The following CLCN5 variants were observed in gnomAD, a reference collection of about 807,000 sequenced individuals.
The protein encoded by CLCN5 is Cl-/H+ antiporter 5, also known as H(+)/Cl(-) exchange transporter 5.
CLCN5 carries 17 observed loss-of-function variants against 54.0 expected under a neutral mutation model. The observed-to-expected ratio is 0.31, with a 90% confidence interval of 0.22 to 0.47. CLCN5 has a LOEUF of 0.47. Ranked by LOEUF, CLCN5 falls within the 20% of genes least tolerant of loss-of-function variation. The pLI, the probability that CLCN5 is intolerant of heterozygous loss-of-function variation, is 1.00. For missense variants in CLCN5, 448 were observed against 646.7 expected, an observed-to-expected ratio of 0.69 and a Z score of 3.33; for synonymous variants, 222 against 233.0, an observed-to-expected ratio of 0.95 and a Z score of 0.43.
chrX:50,009,507 G>T (rs1057318709), intron 3 of CLCN5, among the ~76,000 whole-genome samples: 1 of 111,814 alleles, frequency 8.9e-6, no homozygotes, highest in Non-Finnish European at 1.9e-5. Flanking sequence ...ATCTGAAAAA[G>T]ATGCCACTCA....
intron 3 of CLCN5, chrX:50,008,340 T>C (rs17174054): frequency 0.04 from 9,943 of 248,024 alleles, 906 homozygotes; most frequent in African/African-American, 0.26. Context: ...GCTCAAGAAC[T>C]GTTCTCTTTA....
At chrX:50,044,603 G>C (rs1557187592) in intron 4 of CLCN5, among the ~76,000 whole-genome samples, 1 of 111,101 alleles carries the variant, frequency 9.0e-6, no homozygotes, top group Non-Finnish European at 1.9e-5. Context: ...TTATAGGTTT[G>C]GGATAGGCGG....
chrX:50,084,492 C>T (rs891621487), intron 9 of CLCN5, among the ~76,000 whole-genome samples: 2 of 110,261 alleles, frequency 1.8e-5, no homozygotes, highest in East Asian at 2.9e-4. Flanking sequence ...AGCAATTCTC[C>T]CACCTCAGAC....
At chrX:49,975,683 C>T (rs1188782515) in intron 3 of CLCN5, among the ~76,000 whole-genome samples, 3 of 111,545 alleles carry the variant, frequency 2.7e-5, no homozygotes, top group Admixed American at 9.5e-5. Context: ...CTTGATCACA[C>T]GGTCTCATCT....
At chrX:49,953,137 C>T (rs1431193649) in intron 3 of CLCN5, among the ~76,000 whole-genome samples, 18 of 110,614 alleles carry the variant, frequency 1.6e-4, no homozygotes, top group Non-Finnish European at 3.0e-4. Flanking sequence ...CAGCCTGCCT[C>T]GGCCTCCCAA....
intron 3 of CLCN5, among the ~76,000 whole-genome samples, chrX:49,985,048 C>G (rs1455955318): frequency 9.2e-6 from 1 of 109,267 alleles, no homozygotes; most frequent in Non-Finnish European, 1.9e-5. Context: ...ATATGGAATT[C>G]CCTAATGATT....
At chrX:50,041,771 C>T (rs1465489111) in intron 3 of CLCN5, among the ~76,000 whole-genome samples, 3 of 111,437 alleles carry the variant, frequency 2.7e-5, no homozygotes, top group African/African-American at 9.8e-5. Flanking sequence ...TAGAGGGTAA[C>T]TGAATATATT....
intron 3 of CLCN5, among the ~76,000 whole-genome samples, chrX:49,951,852 G>T (rs1390375358): frequency 8.9e-6 from 1 of 111,786 alleles, no homozygotes; most frequent in African/African-American, 3.3e-5. Flanking sequence ...TGACATGTGG[G>T]TTTTTTAAGG....
At chrX:50,087,547 C>T (rs1933932481) in intron 11 of CLCN5, among the ~76,000 whole-genome samples, 1 of 111,836 alleles carries the variant, frequency 8.9e-6, no homozygotes, top group Non-Finnish European at 1.9e-5. Context: ...GTATTTTCCT[C>T]CTCCTTTCTA....
intron 3 of CLCN5, among the ~76,000 whole-genome samples, chrX:49,935,401 C>G (rs1557169488): frequency 8.9e-6 from 1 of 112,295 alleles, no homozygotes; most frequent in Non-Finnish European, 1.9e-5. Context: ...GTTCTCACAT[C>G]TGCTGTGTGC....
In CLCN5 at chrX:49,931,912, C is replaced by CA. The variant is rs199618675; in HGVS notation, c.16+6612dup. On this transcript the variant is annotated intron_variant, in intron 3 of 14. Coordinates refer to ENST00000376091, the MANE Select transcript of CLCN5 (RefSeq NM_001127898.4). The stretch of plus-strand genomic sequence containing the variant: ...TGGGCAACAGATTGAGACCCTGTCT[C>CA]AAAAAAAAAAAAAAGACTGATGCTG... Among the ~76,000 whole-genome samples the CA allele has an allele frequency of 4.1e-3, 341 of 84,140 alleles. 2 individuals are homozygous for CA. Among genetic ancestry groups the CA allele is most frequent in the African/African-American group, 5.7e-3 (131 of 22,862 alleles). 73.1% of individuals were successfully genotyped at this position (84,140 alleles called of 115,157 possible).
At chrX:50,051,255 C>T (rs1205582301) in intron 4 of CLCN5, among the ~76,000 whole-genome samples, 3 of 112,259 alleles carry the variant, frequency 2.7e-5, no homozygotes, top group African/African-American at 9.7e-5. Flanking sequence ...CTAGTCATTG[C>T]AGCACTGGTT....
At chrX:49,948,881 A>G (rs1282490241) in intron 3 of CLCN5, among the ~76,000 whole-genome samples, 2 of 112,608 alleles carry the variant, frequency 1.8e-5, no homozygotes, top group African/African-American at 6.5e-5. Context: ...ATCACTGTTC[A>G]TGTGAAAACA....
intron 3 of CLCN5, chrX:50,013,296 C>T (rs1557182941): frequency 5.3e-6 from 2 of 375,690 alleles, no homozygotes; most frequent in Non-Finnish European, 1.1e-5. Flanking sequence ...CAAAACACCT[C>T]CTGTGTGCAT....
intron 3 of CLCN5, among the ~76,000 whole-genome samples, chrX:49,936,466 C>T (rs1219598471): frequency 8.9e-6 from 1 of 111,944 alleles, no homozygotes; most frequent in African/African-American, 3.2e-5. Flanking sequence ...TGGGTTAATA[C>T]TGAGGAATAG....
intron 3 of CLCN5, among the ~76,000 whole-genome samples, chrX:50,011,377 C>T (rs1314658068): frequency 8.9e-6 from 1 of 112,325 alleles, no homozygotes; most frequent in Non-Finnish European, 1.9e-5. Context: ...CATAAACACA[C>T]TATACATAAA....
chrX:50,001,788 A>G, intron 3 of CLCN5, among the ~76,000 whole-genome samples: 1 of 109,975 alleles, frequency 9.1e-6, no homozygotes, highest in Non-Finnish European at 1.9e-5. Flanking sequence ...TAAAGACTTA[A>G]ATGTTAGTCC....
intron 4 of CLCN5, among the ~76,000 whole-genome samples, chrX:50,060,180 C>T (rs978439822): frequency 5.4e-5 from 6 of 110,174 alleles, no homozygotes; most frequent in African/African-American, 9.9e-5. Context: ...GGAACAGCTC[C>T]GGTCTACAGC....
intron 3 of CLCN5, among the ~76,000 whole-genome samples, chrX:50,007,440 T>TCACACACACACACA (rs1198364892): frequency 4.3e-5 from 3 of 69,537 alleles, no homozygotes; most frequent in African/African-American, 1.6e-4. Flanking sequence ...TCTCTCTCTG[T>TCACACACACACACA]CACACACACA....
Sources: gnomAD v4.1 joint callset for allele counts (sites outside exome capture counted in the v4.1 genomes callset) on GRCh38, gnomAD v4.1.1 for gene constraint, MANE v1.5 for transcripts, NCBI Gene and HGNC (gene_info 2026-07-23, HGNC 2026-07-21) for gene names.